ADAMTSL1: variants seen among roughly 807,000 people sequenced by gnomAD.
ADAMTSL1 encodes the protein ADAMTS like 1.
A neutral mutation model predicts 201.8 loss-of-function variants in ADAMTSL1; 126 were observed. The ratio of observed to expected loss-of-function variants is 0.62; its 90% CI spans 0.54 to 0.72. The LOEUF is 0.72. ADAMTSL1 is among the 30% of genes least tolerant of loss of function. The pLI is 0.00. For synonymous variants in ADAMTSL1, 1,121 were observed against 903.4 expected, an observed-to-expected ratio of 1.24 and a Z score of -4.32; for missense variants, 2,679 against 2,277.8, an observed-to-expected ratio of 1.18 and a Z score of -3.59.
intron 15 of ADAMTSL1, among the ~76,000 whole-genome samples, chr9:18,726,358 C>A (rs917970633): frequency 4.0e-5 from 6 of 151,712 alleles, no homozygotes; most frequent in Non-Finnish European, 5.9e-5. Flanking sequence ...CAAAAATTAG[C>A]TGGGTGTGTG....
At chr9:18,472,848 A>G (rs113404274), upstream of ADAMTSL1, among the ~76,000 whole-genome samples, 1,920 of 152,350 alleles carry the variant, frequency 0.013, 40 homozygotes, top group African/African-American at 0.043. Context: ...ATGTAAGGCC[A>G]GGGCTGCTCT....
rs578022583 is a variant in ADAMTSL1, at chr9:18,283,844, G to A, written c.207+119863G>A. Among the ~76,000 whole-genome samples, 33 of 144,990 alleles carry A rather than the reference G, an allele frequency of 2.3e-4. No individual in the cohort carries two copies. In the South Asian group the frequency reaches 3.6e-3, roughly 16 times the overall value. ...GGAGAATGGCATGAACCCAGGAGGC[G>A]GAGCTTGCAGTGAGCTGAGATTGAG... On this transcript the variant is annotated intron_variant, in intron 2 of 29. Transcript: ENST00000680146.
intron 2 of ADAMTSL1, among the ~76,000 whole-genome samples, chr9:18,404,583 A>G (rs972983077): frequency 3.9e-5 from 6 of 152,214 alleles, no homozygotes; most frequent in Non-Finnish European, 5.9e-5. Flanking sequence ...CTTTTCAGCT[A>G]CAGTTCTCCC....
At chr9:18,280,480 T>C (rs930856559) in intron 2 of ADAMTSL1, among the ~76,000 whole-genome samples, 5 of 152,180 alleles carry the variant, frequency 3.3e-5, no homozygotes, top group East Asian at 1.9e-4. Context: ...GTAGATCAGT[T>C]TGGCAAGAAT....
At chr9:18,780,251 C>A (rs184530801) in intron 19 of ADAMTSL1, among the ~76,000 whole-genome samples, 1 of 152,198 alleles carries the variant, frequency 6.6e-6, no homozygotes. Context: ...CGGTCTTAGT[C>A]TCTTCATTTC....
intron 2 of ADAMTSL1, among the ~76,000 whole-genome samples, chr9:18,439,926 C>T (rs939129307): frequency 6.6e-6 from 1 of 152,112 alleles, no homozygotes; most frequent in Non-Finnish European, 1.5e-5. Context: ...TGGTCTGAGC[C>T]TAAGTTTTTA....
At chr9:18,409,340 G>A (rs558582331) in intron 2 of ADAMTSL1, among the ~76,000 whole-genome samples, 38 of 136,526 alleles carry the variant, frequency 2.8e-4, no homozygotes, top group African/African-American at 9.9e-4. Flanking sequence ...CCAAGATTGC[G>A]CCCCTGCACT....
chr9:18,863,401 G>A (rs1444774294), intron 23 of ADAMTSL1, among the ~76,000 whole-genome samples: 1 of 152,242 alleles, frequency 6.6e-6, no homozygotes, highest in African/African-American at 2.4e-5. Flanking sequence ...TAGGGGTGAA[G>A]AGACATTTGG....
chr9:18,697,835 G>C (rs1199582887), intron 13 of ADAMTSL1, among the ~76,000 whole-genome samples: 1 of 152,154 alleles, frequency 6.6e-6, no homozygotes, highest in Non-Finnish European at 1.5e-5. Context: ...TTACTGAAGG[G>C]AGAAATCAGG....
intron 5 of ADAMTSL1, among the ~76,000 whole-genome samples, chr9:18,629,655 G>A (rs1826618008): frequency 6.6e-6 from 1 of 152,048 alleles, no homozygotes; most frequent in African/African-American, 2.4e-5. Flanking sequence ...ATTTTGTTGA[G>A]GCTTTTTATC....
At chr9:18,143,787 C>T (rs965668666) in intron 1 of ADAMTSL1, among the ~76,000 whole-genome samples, 1 of 152,190 alleles carries the variant, frequency 6.6e-6, no homozygotes, top group Non-Finnish European at 1.5e-5. Flanking sequence ...ATACATTAAA[C>T]AGACTCTTTC....
chr9:18,893,370 G>C (rs773365901), intron 26 of ADAMTSL1, among the ~76,000 whole-genome samples: 3 of 152,174 alleles, frequency 2.0e-5, no homozygotes, highest in East Asian at 1.9e-4. Flanking sequence ...TGGTGCACCA[G>C]TGATTATGTT....
chr9:18,352,036 G>C (rs577601724), intron 2 of ADAMTSL1, among the ~76,000 whole-genome samples: 1 of 152,144 alleles, frequency 6.6e-6, no homozygotes, highest in Admixed American at 6.5e-5. Context: ...TGTCCTAGTA[G>C]CTATGTAGTG....
intron 1 of ADAMTSL1, among the ~76,000 whole-genome samples, chr9:17,974,489 A>G (rs1818356556): frequency 6.6e-6 from 1 of 151,908 alleles, no homozygotes. Context: ...ACGTAACTGA[A>G]ACTTTGTACC....
At chr9:17,964,468 G>T (rs929061145) in intron 1 of ADAMTSL1, among the ~76,000 whole-genome samples, 42 of 152,124 alleles carry the variant, frequency 2.8e-4, no homozygotes, top group African/African-American at 1.0e-3. Context: ...CAGTCAGGAG[G>T]GGGCAACGCA....
chr9:18,093,903 T>G (rs1429849247), intron 1 of ADAMTSL1, among the ~76,000 whole-genome samples: 1 of 152,154 alleles, frequency 6.6e-6, no homozygotes, highest in African/African-American at 2.4e-5. Flanking sequence ...AAGGTCATTG[T>G]GCAATGGAGC....
intron 1 of ADAMTSL1, among the ~76,000 whole-genome samples, chr9:17,963,296 C>G (rs974046483): frequency 4.6e-5 from 7 of 152,044 alleles, no homozygotes; most frequent in African/African-American, 1.2e-4. Context: ...ATTTATTCGC[C>G]TATTTATCCC....
chr9:17,924,719 A>G (rs1365654091), intron 1 of ADAMTSL1, among the ~76,000 whole-genome samples: 1 of 147,406 alleles, frequency 6.8e-6, no homozygotes, highest in African/African-American at 2.5e-5. Context: ...TGGATTAAAG[A>G]TTTAAACGTT....
chr9:18,104,296 T>C (rs1369658684), intron 1 of ADAMTSL1, among the ~76,000 whole-genome samples: 2 of 152,292 alleles, frequency 1.3e-5, no homozygotes, highest in Non-Finnish European at 2.9e-5. Context: ...CTCTAGTTAC[T>C]GCATGCTTCC....
Sources: gnomAD v4.1 joint callset for allele counts (sites outside exome capture counted in the v4.1 genomes callset) on GRCh38, gnomAD v4.1.1 for gene constraint, MANE v1.5 for transcripts, NCBI Gene and HGNC (gene_info 2026-07-23, HGNC 2026-07-21) for gene names.